The following ZNF28 variants were observed in gnomAD, a reference collection of about 807,000 sequenced individuals.
ZNF28 encodes the protein zinc finger protein 28, also known as zinc finger protein KOX24.
ZNF28 carries 5 observed loss-of-function variants against 7.2 expected under a neutral mutation model. The observed-to-expected ratio is 0.70, with a 90% CI of 0.36 to 1.46. The LOEUF (loss-of-function observed/expected upper bound fraction) is 1.46. Ranked by LOEUF, ZNF28 falls within the 40% of genes most tolerant of loss-of-function variation. ZNF28 has a pLI of 0.03. For synonymous variants in ZNF28, 288 were observed against 292.4 expected (o/e 0.99, Z 0.15); for missense variants, 879 against 866.6 (o/e 1.01, Z -0.18).
intron 2 of ZNF28, chr19:52,810,738 AAAAG>A (rs2063010563): frequency 1.4e-6 from 1 of 697,534 alleles, no homozygotes; most frequent in Admixed American, 2.3e-5. Context: ...AGAGAGGAAA[AAAAG>A]AGGAAAGAAG....
chr19:52,800,918 A>T lies in ZNF28; in HGVS notation c.927T>A (p.Ser309Arg), dbSNP rs2062859559. 1 of 1,613,954 alleles carries T rather than the reference A, an allele frequency of 6.2e-7. No individual in the cohort carries two copies. The highest frequency in any genetic ancestry group is 1.3e-5 in the African/African-American group (1 of 74,900). The change falls in exon 4 of 4, where the codon AGT (serine) becomes AGA (arginine). Residue 309 changes from serine to arginine, a missense_variant. Coordinates refer to ENST00000457749, the MANE Select transcript of ZNF28 (RefSeq NM_006969.5). ...YECEECDKVF[S>R]RKSHLETHKI... ...TATGTGTTTCAAGGTGTGATTTGCG[A>T]CTGAAAACTTTGTCACATTCTTCAC...
At position 52,799,569 on chromosome 19, in the gene ZNF28, T is replaced by C. The variant is rs938425898; in HGVS notation, c.*119A>G. On this transcript the variant is annotated 3_prime_UTR_variant, in exon 4 of 4. Transcript: ENST00000457749. ...GGCTTTGTGACTTACAAGGGTTGAA[T>C]TGTGATGGAAGGTGTTGCCACACTC... The C allele has an allele frequency of 3.3e-6, 5 of 1,527,522 alleles. No homozygotes were observed. The highest frequency in any genetic ancestry group is 1.7e-5 in the Admixed American group (1 of 57,670). 94.6% of individuals were successfully genotyped at this position (1,527,522 alleles called of 1,614,324 possible).
Position 52,799,033 on chromosome 19 carries a change from A to G in ZNF28, c.*655T>C. 1.6e-6 allele frequency: 1 copy of G among 613,136 alleles called. No homozygotes were observed. Among genetic ancestry groups the G allele is most frequent in the South Asian group, 1.9e-5 (1 of 54,010 alleles). 38.0% of individuals were successfully genotyped at this position (613,136 alleles called of 1,614,324 possible). A position where few individuals can be genotyped will look rare whatever the true frequency, so the allele number is the denominator to read the frequency against. ...CCTTACATTTGTATGTTTTTTCTCC[A>G]GTATGAATTCTCCTGTCTTTCAAGC... On this transcript the variant is annotated 3_prime_UTR_variant, in exon 4 of 4. Transcript: ENST00000457749.
rs1380068697 is a variant in ZNF28, at chr19:52,797,648, A to G, written c.*2040T>C. The G allele has an allele frequency of 2.6e-5, 4 of 155,054 alleles. No individual in the cohort carries two copies. Among genetic ancestry groups the G allele is most frequent in the East Asian group, 1.9e-4 (1 of 5,192 alleles). 9.6% of individuals were successfully genotyped at this position (155,054 alleles called of 1,614,324 possible). On this transcript the variant is annotated 3_prime_UTR_variant, in exon 4 of 4. Coordinates refer to ENST00000457749, the MANE Select transcript of ZNF28 (RefSeq NM_006969.5). The stretch of plus-strand genomic sequence containing the variant: ...GTAAGAAATATTTAGGAATAAACAT[A>G]TAAAGGTGAGAAGTTTGTACCTTGA...
intron 2 of ZNF28, among the ~76,000 whole-genome samples, chr19:52,808,634 A>G (rs1418453547): frequency 2.6e-5 from 4 of 151,682 alleles, no homozygotes; most frequent in Admixed American, 6.6e-5. Context: ...CATCTCAAAA[A>G]AAAAAAAATT....
chr19:52,801,842 G>C (rs1294574189), intron 3 of ZNF28, 140 bp from the exon 4 acceptor site: 1 of 798,408 alleles, frequency 1.3e-6, no homozygotes, highest in Non-Finnish European at 1.9e-6. Flanking sequence ...CACAAAAGGA[G>C]TAAGATTCTT....
chr19:52,798,926 TTG>T lies in ZNF28; in HGVS notation c.*760_*761del. The T allele has an allele frequency of 2.1e-6, 3 of 1,434,218 alleles. No homozygotes were observed. Among genetic ancestry groups the T allele is most frequent in the African/African-American group, 1.4e-5 (1 of 69,992 alleles). The allele number at this position is 1,434,218 out of a possible 1,614,324, so 88.8% of individuals were successfully genotyped here. On this transcript the variant is annotated 3_prime_UTR_variant, in exon 4 of 4. Transcript: ENST00000457749. The stretch of plus-strand genomic sequence containing the variant: ...CCCACTAAAGGCTTTGCCACACTCA[TTG>T]CACTTGTAAGGTTTCTCTCCAGTGT...
At chr19:52,802,823 T>TGC (rs1568648983) in intron 3 of ZNF28, among the ~76,000 whole-genome samples, 172 of 150,186 alleles carry the variant, frequency 1.1e-3, no homozygotes, top group African/African-American at 4.1e-3. Context: ...TGCAGTGGCA[T>TGC]GATCTCGGCT....
chr19:52,806,632 C>CA (rs1352670366), intron 3 of ZNF28, among the ~76,000 whole-genome samples: 1 of 151,036 alleles, frequency 6.6e-6, no homozygotes, highest in Non-Finnish European at 1.5e-5. Context: ...TTAGGCATGG[C>CA]AGCTCATGCC....
At position 52,800,221 on chromosome 19, in the gene ZNF28, G is replaced by A; in HGVS notation, c.1624C>T (p.His542Tyr). ...FSTKANLACH[H>Y]KLHTAEKPYK... ...GGTTTCTCTGCAGTATGAAGTTTAT[G>A]ATGACATGCAAGGTTTGCTTTTGTA... The change falls in exon 4 of 4, where the codon CAT becomes TAT. Residue 542 changes from histidine to tyrosine, a missense_variant. Around this residue, in one of 2 missense-constraint regions of ZNF28, gnomAD observed 864 missense variants for 830.2 expected, o/e 1.04. Transcript: ENST00000457749. 1 of 1,613,256 alleles carries A rather than the reference G, an allele frequency of 6.2e-7. No individual in the cohort carries two copies. Among genetic ancestry groups the A allele is most frequent in the African/African-American group, 1.3e-5 (1 of 74,798 alleles).
Position 52,799,856 on chromosome 19 carries a change from G to A in ZNF28, c.1989C>T (p.Tyr663=). The change falls in exon 4 of 4, where the codon TAC becomes TAT. Residue 663 remains tyrosine, a synonymous_variant. Coordinates refer to ENST00000457749, the MANE Select transcript of ZNF28 (RefSeq NM_006969.5). ...HHRLHSGEKP[Y]KCNECGKVFN... ...AAACCTTGCCACATTCATTACACTT[G>A]TAAGGTTTCTCTCCACTATGAAGCC... 6.2e-7 allele frequency: 1 copy of A among 1,610,298 alleles called. No homozygotes were observed. Among genetic ancestry groups the A allele is most frequent in the Non-Finnish European group, 8.5e-7 (1 of 1,178,994 alleles).
Position 52,801,149 on chromosome 19 carries a change from T to C in ZNF28, c.696A>G (p.Lys232=), listed in dbSNP as rs1320240656. 1 of 1,614,102 alleles carries C rather than the reference T, an allele frequency of 6.2e-7. No homozygotes were observed. Among genetic ancestry groups the C allele is most frequent in the South Asian group, 1.1e-5 (1 of 91,070 alleles). ...KSFNCSSLLK[K]HQITHLEEKQ... ...TCTCTTCTAAGTGGGTTATCTGATG[T>C]TTTTTTAAAAGTGAGCTACAATTAA... The change falls in exon 4 of 4, where the codon AAA becomes AAG. Residue 232 remains lysine, a synonymous_variant. Transcript: ENST00000457749.
Position 52,813,425 on chromosome 19 carries a change from G to A in ZNF28, c.15+4519C>T, listed in dbSNP as rs979896472. ...GTCTCAACAGTGCAAGCTGCTCCCC[G>A]TGTTTCCCTGCCCCACTTCGCCCCC... On this transcript the variant is annotated intron_variant, in intron 2 of 3. Coordinates refer to ENST00000457749, the MANE Select transcript of ZNF28 (RefSeq NM_006969.5). Among the ~76,000 whole-genome samples, 28 of 147,336 alleles carry A rather than the reference G, an allele frequency of 1.9e-4. 2 individuals carry two copies. Among genetic ancestry groups the A allele is most frequent in the African/African-American group, 7.3e-4 (28 of 38,364 alleles).
chr19:52,819,201 C>G (rs2063164508), intron 1 of ZNF28, among the ~76,000 whole-genome samples: 1 of 135,832 alleles, frequency 7.4e-6, no homozygotes, highest in African/African-American at 2.9e-5. Context: ...CTGGCAGGGA[C>G]CCTGAACACA....
chr19:52,821,329 G>C (rs1307831452), intron 1 of ZNF28, among the ~76,000 whole-genome samples: 1 of 152,146 alleles, frequency 6.6e-6, no homozygotes, highest in Non-Finnish European at 1.5e-5. Flanking sequence ...TCAAAAAAAG[G>C]TTTTGAGCAG....
chr19:52,801,136 G>A lies in ZNF28; in HGVS notation c.709C>T (p.His237Tyr). 4 of 1,613,992 alleles carry A rather than the reference G, an allele frequency of 2.5e-6. No homozygotes were observed. Among genetic ancestry groups the A allele is most frequent in the Non-Finnish European group, 2.5e-6 (3 of 1,180,006 alleles). ...CATTTACATTGTTTCTCTTCTAAGT[G>A]GGTTATCTGATGTTTTTTTAAAAGT... The part of the protein sequence containing the change: ...SSLLKKHQIT[H>Y]LEEKQCKCDV... The change falls in exon 4 of 4, where the codon CAC (histidine) becomes TAC (tyrosine). Residue 237 changes from histidine to tyrosine, a missense_variant. By Grantham distance (83) the His-to-Tyr change is moderately conservative. Coordinates refer to ENST00000457749, the MANE Select transcript of ZNF28 (RefSeq NM_006969.5).
rs562739476 is a variant in ZNF28, at chr19:52,812,356, GGAT to G, written c.16-4226_16-4224del. Among the ~76,000 whole-genome samples, 4 of 141,538 alleles carry G rather than the reference GGAT, an allele frequency of 2.8e-5. No homozygotes were observed. In the South Asian group the frequency reaches 8.9e-4, roughly 31 times the overall value. 92.9% of individuals were successfully genotyped at this position (141,538 alleles called of 152,430 possible). A position where few individuals can be genotyped will look rare whatever the true frequency, so the allele number is the denominator to read the frequency against. ...AGGGTGGGGAAGAAATTGAGAAATC[GGAT>G]GATTGCCGGGTCTGTGTGGATAGAA... On this transcript the variant is annotated intron_variant, in intron 2 of 3. Transcript: ENST00000457749.
intron 2 of ZNF28, among the ~76,000 whole-genome samples, chr19:52,812,338 G>C (rs1185687483): frequency 7.0e-6 from 1 of 141,850 alleles, no homozygotes; most frequent in Admixed American, 6.9e-5. Flanking sequence ...GGAAGGGTGG[G>C]GAAGAAATTG....
At chr19:52,809,449 G>C (rs568230802) in intron 2 of ZNF28, among the ~76,000 whole-genome samples, 1 of 152,182 alleles carries the variant, frequency 6.6e-6, no homozygotes, top group South Asian at 2.1e-4. Context: ...GGAACACAAA[G>C]AAGAAAATAG....
Sources: gnomAD v4.1 joint callset for allele counts (sites outside exome capture counted in the v4.1 genomes callset) on GRCh38, gnomAD v4.1.1 for gene constraint, gnomAD v4.1.1 regional missense constraint, MANE v1.5 for transcripts, NCBI Gene and HGNC (gene_info 2026-07-23, HGNC 2026-07-21) for gene names.